The following PDE1C variants were observed in gnomAD, a reference collection of about 807,000 sequenced individuals.
The protein encoded by PDE1C is phosphodiesterase 1C.
In PDE1C, 62 loss-of-function variants were observed where a neutral mutation model predicts 93.1. That is an observed-to-expected ratio of 0.67 (90% CI 0.54 to 0.82). The LOEUF is 0.82. Among genes scored for constraint, PDE1C ranks in the 40% least tolerant of loss-of-function variants. The pLI, the probability that PDE1C is intolerant of heterozygous loss-of-function variation, is 0.00. For missense variants in PDE1C, 742 were observed against 884.6 expected, an observed-to-expected ratio of 0.84 and a Z score of 2.04; for synonymous variants, 325 against 310.1, an observed-to-expected ratio of 1.05 and a Z score of -0.50.
At chr7:32,156,759 C>T (rs549632936) in intron 3 of PDE1C, among the ~76,000 whole-genome samples, 1 of 152,218 alleles carries the variant, frequency 6.6e-6, no homozygotes, top group Non-Finnish European at 1.5e-5. Flanking sequence ...TAGAAAATAC[C>T]ATTGATTCAG....
rs79226025 is a variant in PDE1C, at chr7:31,860,047, T to C, written c.750+4895A>G. 2.1e-3 allele frequency among the ~76,000 whole-genome samples: 315 copies of C among 152,298 alleles called. 3 individuals carry two copies. The highest frequency in any genetic ancestry group is 7.2e-3 in the African/African-American group (301 of 41,570). ...ATTGTATAGGCCTCCCTGAGTACACTTGGAAGTGCTGGAGGATTGGTATGT... is the reference window on the plus strand; with the variant it reads ...ATTGTATAGGCCTCCCTGAGTACACCTGGAAGTGCTGGAGGATTGGTATGT... On this transcript the variant is annotated intron_variant, in intron 7 of 17. Coordinates refer to ENST00000396191, the MANE Select transcript of PDE1C (RefSeq NM_001191057.4).
chr7:32,039,898 A>G (rs964545059), intron 2 of PDE1C, among the ~76,000 whole-genome samples: 4 of 152,176 alleles, frequency 2.6e-5, no homozygotes, highest in Non-Finnish European at 5.9e-5. Flanking sequence ...GCTTTTCAGG[A>G]CTAGTAAAAT....
intron 6 of PDE1C, among the ~76,000 whole-genome samples, chr7:31,865,902 A>G (rs1299725845): frequency 6.6e-6 from 1 of 152,208 alleles, no homozygotes; most frequent in Non-Finnish European, 1.5e-5. Flanking sequence ...TATGCTGCAT[A>G]GTATGTATTC....
At chr7:32,079,081 C>T (rs1351346703) in intron 3 of PDE1C, among the ~76,000 whole-genome samples, 1 of 152,158 alleles carries the variant, frequency 6.6e-6, no homozygotes, top group African/African-American at 2.4e-5. Flanking sequence ...TTTTGAAAGG[C>T]CACCAAAGGT....
upstream of PDE1C, among the ~76,000 whole-genome samples, chr7:32,303,766 T>G (rs1812935049): frequency 6.6e-6 from 1 of 152,200 alleles, no homozygotes; most frequent in Non-Finnish European, 1.5e-5. Flanking sequence ...TTTGGCTCCC[T>G]GTTCATTCAA....
At chr7:31,658,294 G>T in the PDE1C span, 2 of 1,499,488 alleles carry the variant, frequency 1.3e-6, no homozygotes, top group Non-Finnish European at 8.8e-7. Flanking sequence ...TGCAGAGCTG[G>T]ATCCCTTTTT....
chr7:31,730,804 G>T, the PDE1C span, among the ~76,000 whole-genome samples: 1 of 151,830 alleles, frequency 6.6e-6, no homozygotes, highest in Non-Finnish European at 1.5e-5. Context: ...GGTTTCTTCT[G>T]CTTGGAAGGA....
intron 2 of PDE1C, among the ~76,000 whole-genome samples, chr7:32,042,804 C>T (rs1792012177): frequency 6.6e-6 from 1 of 152,120 alleles, no homozygotes; most frequent in Admixed American, 6.6e-5. Flanking sequence ...AGAGAGTGCC[C>T]ACCATCACTG....
intron 2 of PDE1C, among the ~76,000 whole-genome samples, chr7:31,944,927 T>C (rs1806400901): frequency 6.6e-6 from 1 of 152,162 alleles, no homozygotes; most frequent in Non-Finnish European, 1.5e-5. Flanking sequence ...ACAGAAAAAT[T>C]GCAAAGAAAA....
intron 1 of PDE1C, among the ~76,000 whole-genome samples, chr7:32,239,642 G>T (rs1019927990): frequency 9.9e-5 from 15 of 152,138 alleles, no homozygotes; most frequent in Admixed American, 9.8e-4. Flanking sequence ...TCAGGAAAAT[G>T]AAAAACTAAA....
the PDE1C span, chr7:31,651,967 C>A: frequency 6.9e-6 from 11 of 1,602,630 alleles, no homozygotes; most frequent in East Asian, 2.2e-5. Flanking sequence ...GCAAACGTTA[C>A]GTGAGGCCCT....
chr7:32,255,049 C>T (rs1809682732), intron 1 of PDE1C, among the ~76,000 whole-genome samples: 1 of 152,170 alleles, frequency 6.6e-6, no homozygotes, highest in Admixed American at 6.5e-5. Context: ...TCCCCATTGC[C>T]AAAGTATTCC....
intron 1 of PDE1C, among the ~76,000 whole-genome samples, chr7:32,062,420 CCTT>C (rs1439416879): frequency 1.3e-5 from 2 of 152,134 alleles, no homozygotes; most frequent in Non-Finnish European, 1.5e-5. Context: ...AGCCACTTGG[CCTT>C]CTTTCATTTT....
At chr7:31,694,245 G>A in the PDE1C span, among the ~76,000 whole-genome samples, 1 of 152,142 alleles carries the variant, frequency 6.6e-6, no homozygotes, top group Non-Finnish European at 1.5e-5. Context: ...CATTTATGAA[G>A]ATGGGAAGCT....
At chr7:32,010,293 G>A (rs1054427905) in intron 2 of PDE1C, among the ~76,000 whole-genome samples, 5 of 152,200 alleles carry the variant, frequency 3.3e-5, no homozygotes, top group African/African-American at 1.2e-4. Flanking sequence ...CATCAAGATA[G>A]ACAAATAGGT....
chr7:31,790,811 C>T (rs1027443271), intron 16 of PDE1C, among the ~76,000 whole-genome samples: 4 of 151,982 alleles, frequency 2.6e-5, no homozygotes, highest in Middle Eastern at 3.2e-3. Context: ...TGGAGGAAGA[C>T]GACAAAGATG....
intron 1 of PDE1C, among the ~76,000 whole-genome samples, chr7:32,308,090 A>T (rs559327541): frequency 2.0e-5 from 3 of 152,240 alleles, no homozygotes; most frequent in South Asian, 2.1e-4. Context: ...TATCCCGCAC[A>T]TGGCTCAGAG....
intron 2 of PDE1C, among the ~76,000 whole-genome samples, chr7:31,924,980 T>C (rs1205312725): frequency 1.3e-5 from 2 of 151,984 alleles, no homozygotes; most frequent in East Asian, 1.9e-4. Flanking sequence ...GCCAGAGTTA[T>C]AGAAATGACC....
rs536019138 is a variant in PDE1C at position 31,754,912 on chromosome 7, G to A, written c.1961-1359C>T. 2.8e-3 allele frequency among the ~76,000 whole-genome samples: 431 copies of A among 152,274 alleles called. 2 individuals are homozygous for A. The highest frequency in any genetic ancestry group is 9.5e-3 in the African/African-American group (394 of 41,568). On this transcript the variant is annotated intron_variant, in intron 17 of 17. Coordinates refer to ENST00000396191, the MANE Select transcript of PDE1C (RefSeq NM_001191057.4). ...AAATAAAAAAACTATTTAAGAGGTCGGAGGAATCCTAGAATGAAATGCAAA... is the reference window on the plus strand; with the variant it reads ...AAATAAAAAAACTATTTAAGAGGTCAGAGGAATCCTAGAATGAAATGCAAA...
Sources: gnomAD v4.1 joint callset for allele counts (sites outside exome capture counted in the v4.1 genomes callset) on GRCh38, gnomAD v4.1.1 for gene constraint, MANE v1.5 for transcripts, NCBI Gene and HGNC (gene_info 2026-07-23, HGNC 2026-07-21) for gene names.